MYT1L: variants seen among roughly 807,000 people sequenced by gnomAD.
MYT1L encodes the protein myelin transcription factor 1-like protein.
In MYT1L, 12 loss-of-function variants were observed where a neutral mutation model predicts 126.7. The ratio of observed to expected loss-of-function variants is 0.09; its 90% CI spans 0.06 to 0.15. The LOEUF (loss-of-function observed/expected upper bound fraction) is 0.15, where lower values mean the gene tolerates loss of function less well. Among genes scored for constraint, MYT1L ranks in the 10% least tolerant of loss-of-function variants. The pLI is 1.00. For missense variants in MYT1L, 979 were observed against 1,585.2 expected, an observed-to-expected ratio of 0.62 and a Z score of 6.49; for synonymous variants, 541 against 604.2, an observed-to-expected ratio of 0.90 and a Z score of 1.53.
intron 4 of MYT1L, among the ~76,000 whole-genome samples, chr2:2,003,462 C>T (rs2062614031): frequency 6.6e-6 from 1 of 152,152 alleles, no homozygotes; most frequent in African/African-American, 2.4e-5. Flanking sequence ...TCTCAGCCTC[C>T]CAGTGCCTCT....
chr2:1,884,530 T>C (rs980578118), intron 18 of MYT1L, among the ~76,000 whole-genome samples: 2 of 152,230 alleles, frequency 1.3e-5, no homozygotes, highest in South Asian at 2.1e-4. Context: ...CATGTGGTTA[T>C]ACCATGAAGC....
rs760102256 is a variant in MYT1L, at chr2:1,889,491, G to C, written c.2284-14C>G. 2 of 1,572,658 alleles carry C rather than the reference G, an allele frequency of 1.3e-6. No individual in the cohort carries two copies. Among genetic ancestry groups the C allele is most frequent in the Non-Finnish European group, 1.7e-6 (2 of 1,155,628 alleles). On this transcript the variant is annotated splice_polypyrimidine_tract_variant and intron_variant, in intron 15 of 24. Coordinates refer to ENST00000647738, the MANE Select transcript of MYT1L (RefSeq NM_001303052.2). This position sits in a 1 kb window ranked among gnomAD's most constrained non-coding sequence, Gnocchi z 4.1. ...CATGTCAGGGTTCTGTCGGTAGAAA[G>C]ACATAGTGACTGTGCTTGGCCCGGC...
intron 4 of MYT1L, among the ~76,000 whole-genome samples, chr2:2,040,937 A>G (rs1203937079): frequency 1.3e-5 from 2 of 152,202 alleles, no homozygotes; most frequent in East Asian, 3.9e-4. Context: ...GTGCTTAGAA[A>G]GCAGAAAAAT....
At chr2:1,953,159 T>A (rs182819336) in intron 8 of MYT1L, among the ~76,000 whole-genome samples, 179 of 152,228 alleles carry the variant, frequency 1.2e-3, no homozygotes, top group African/African-American at 4.2e-3. Flanking sequence ...GATGGAGTTT[T>A]GCCATGTTGC....
intron 1 of MYT1L, among the ~76,000 whole-genome samples, chr2:2,318,101 A>G (rs2096097951): frequency 6.6e-6 from 1 of 152,222 alleles, no homozygotes; most frequent in South Asian, 2.1e-4. Flanking sequence ...TATGCCTTTG[A>G]GGCTAAAATA....
intron 3 of MYT1L, among the ~76,000 whole-genome samples, chr2:2,148,103 A>G (rs1323010189): frequency 6.6e-6 from 1 of 152,166 alleles, no homozygotes; most frequent in Admixed American, 6.6e-5. Flanking sequence ...AGGGCTCACC[A>G]GTTCCATTTC....
At position 1,917,251 on chromosome 2, in the gene MYT1L, G is replaced by A. The variant is rs762199973; in HGVS notation, c.1572C>T (p.His524=). ...TGHVTGLYPH[H]RSLSGCPHKD... Reference sequence around the variant, plus strand: ...TGTGCGGGCATCCGGACAGGCTGCGGTGATGTGGGTACAGCCCAGTTACGT... The same window carrying A: ...TGTGCGGGCATCCGGACAGGCTGCGATGATGTGGGTACAGCCCAGTTACGT... The change falls in exon 11 of 25, where the codon CAC becomes CAT. Residue 524 remains histidine, a synonymous_variant. Transcript: ENST00000647738. This position sits in a 1 kb window ranked among gnomAD's most constrained non-coding sequence, Gnocchi z 5.9. 3.7e-6 allele frequency: 6 copies of A among 1,613,816 alleles called. No individual in the cohort carries two copies. Among genetic ancestry groups the A allele is most frequent in the Admixed American group, 3.3e-5 (2 of 60,018 alleles).
chr2:2,180,574 C>T (rs929663995), intron 2 of MYT1L, among the ~76,000 whole-genome samples: 1 of 150,220 alleles, frequency 6.7e-6, no homozygotes, highest in Non-Finnish European at 1.5e-5. Context: ...GTGTGTGTAC[C>T]TGTGTGTGCG....
At chr2:2,003,988 A>AGGCATTCTTTCCTGCAG (rs2062725684) in intron 4 of MYT1L, among the ~76,000 whole-genome samples, 3 of 106,988 alleles carry the variant, frequency 2.8e-5, no homozygotes, top group Admixed American at 9.0e-5. Context: ...CTTTCCTGCA[A>AGGCATTCTTTCCTGCAG]GCGTTCTTTC....
chr2:2,201,288 T>A (rs1200113302), intron 2 of MYT1L, among the ~76,000 whole-genome samples: 1 of 152,216 alleles, frequency 6.6e-6, no homozygotes, highest in African/African-American at 2.4e-5. Context: ...TGCTCCAGAA[T>A]GTACTTAGCT....
intron 5 of MYT1L, among the ~76,000 whole-genome samples, chr2:1,995,755 G>A (rs1264741788): frequency 2.6e-5 from 4 of 152,182 alleles, no homozygotes; most frequent in African/African-American, 9.6e-5. Flanking sequence ...CACTGCCTGG[G>A]CTTGGTGCTC....
intron 3 of MYT1L, among the ~76,000 whole-genome samples, chr2:2,122,995 G>C (rs1190628502): frequency 6.6e-6 from 1 of 152,048 alleles, no homozygotes; most frequent in East Asian, 1.9e-4. Flanking sequence ...CACAGGGTGA[G>C]GGAATGAATG....
intron 2 of MYT1L, among the ~76,000 whole-genome samples, chr2:2,216,686 A>T (rs2148946604): frequency 6.6e-6 from 1 of 152,328 alleles, no homozygotes; most frequent in South Asian, 2.1e-4. Context: ...CTGTGAAATA[A>T]AAAACAGAAA....
Position 1,791,161 on chromosome 2 carries a change from T to C in MYT1L, c.*706A>G, listed in dbSNP as rs2032014925. On this transcript the variant is annotated 3_prime_UTR_variant, in exon 25 of 25. Coordinates refer to ENST00000647738, the MANE Select transcript of MYT1L (RefSeq NM_001303052.2). The surrounding 1 kb of genome is among the most constrained non-coding windows in gnomAD (Gnocchi z 6.0). ...GCCAAGTTTCCATGGCTTGATGTTG[T>C]CTTACAATAAATTACTTATTTCATT... 1 of 462,032 alleles carries C rather than the reference T, an allele frequency of 2.2e-6. No homozygotes were observed. The highest frequency in any genetic ancestry group is 4.4e-6 in the Non-Finnish European group (1 of 224,992). The allele number at this position is 462,032 out of a possible 1,614,324, so 28.6% of individuals were successfully genotyped here.
chr2:1,800,519 C>T (rs528399572), intron 23 of MYT1L, among the ~76,000 whole-genome samples: 38 of 152,208 alleles, frequency 2.5e-4, no homozygotes, highest in South Asian at 2.1e-4. Flanking sequence ...TTGGTACTCA[C>T]GGGGGGCCTG....
At chr2:1,939,342 A>G (rs544532694) in intron 9 of MYT1L, among the ~76,000 whole-genome samples, 95 of 152,326 alleles carry the variant, frequency 6.2e-4, no homozygotes, top group East Asian at 9.6e-4. Flanking sequence ...ATGAAAGGCC[A>G]GCCTCGGGAT....
chr2:2,158,998 C>A (rs2087286682), intron 3 of MYT1L, among the ~76,000 whole-genome samples: 1 of 152,178 alleles, frequency 6.6e-6, no homozygotes, highest in African/African-American at 2.4e-5. Context: ...ATATGCAGCA[C>A]TTGTAGGAGA....
At chr2:2,278,099 G>T (rs1320752752) in intron 2 of MYT1L, among the ~76,000 whole-genome samples, 1 of 152,194 alleles carries the variant, frequency 6.6e-6, no homozygotes, top group African/African-American at 2.4e-5. Context: ...AAAGCGGAAA[G>T]TAAAAATAAA....
At chr2:1,931,072 G>A (rs1468597134) in intron 9 of MYT1L, among the ~76,000 whole-genome samples, 2 of 152,330 alleles carry the variant, frequency 1.3e-5, no homozygotes, top group Non-Finnish European at 2.9e-5. Flanking sequence ...CACCCTGCAT[G>A]TGGGAAAATG....
Sources: allele counts gnomAD v4.1 joint callset (sites outside exome capture counted in the v4.1 genomes callset), GRCh38; gene constraint gnomAD v4.1.1; non-coding constraint Gnocchi (gnomAD v3.1); transcripts MANE v1.5; gene names NCBI Gene and HGNC (gene_info 2026-07-23, HGNC 2026-07-21).